Variants in PPCS observed in about 807,000 individuals in gnomAD.
PPCS encodes the protein phosphopantothenate--cysteine ligase.
Under a neutral mutation model 24.6 loss-of-function variants are expected in PPCS, and 17 were observed. The ratio of observed to expected loss-of-function variants is 0.69; its 90% CI spans 0.47 to 1.04. The LOEUF is 1.04. PPCS is among the 50% of genes least tolerant of loss of function. The probability of loss-of-function intolerance (pLI) is 0.00; values close to 1 mark genes in which losing one functional copy is unlikely to be tolerated. For missense variants in PPCS, 360 were observed against 402.8 expected (o/e 0.89, Z 0.91); for synonymous variants, 190 against 168.3 (o/e 1.13, Z -1.00).
chr1:42,456,360 G>A (rs1569589788), upstream of PPCS: 2 of 643,222 alleles, frequency 3.1e-6, no homozygotes, highest in East Asian at 5.7e-5. Context: ...CCCAGCCGGG[G>A]ATCCCCCTCG....
intron 2 of PPCS, chr1:42,468,761 T>C (rs1396167207): frequency 2.6e-5 from 4 of 152,084 alleles, no homozygotes; most frequent in Non-Finnish European, 5.9e-5. Context: ...AGAATAAAAA[T>C]TTAAAGAAGT....
Position 42,459,762 on chromosome 1 carries a change from A to C in PPCS, c.772A>C (p.Asn258His), listed in dbSNP as rs1216252018. The C allele has an allele frequency of 6.2e-7, 1 of 1,614,084 alleles. No individual in the cohort carries two copies. The highest frequency in any genetic ancestry group is 8.5e-7 in the Non-Finnish European group (1 of 1,180,042). Residue 258 changes from asparagine (N) to histidine (H), a missense_variant, in exon 3 of 3, where the codon AAT (asparagine) becomes CAT (histidine). By Grantham distance (68) the Asn-to-His change is moderately conservative (BLOSUM62 1). Around this residue, in one of 2 missense-constraint regions of PPCS, gnomAD observed 116 missense variants for 168.1 expected, o/e 0.69. Transcript: ENST00000372561. ...TTATCAGCATCAAGTGGTGGTGGCT[A>C]ATATCCTTGAGTCACGACAGTCCTT... ...EIYQHQVVVA[N>H]ILESRQSFVF...
At position 42,456,753 on chromosome 1, in the gene PPCS, G is replaced by A; in HGVS notation, c.188G>A (p.Gly63Glu). ...CGCTTCCTGGACAACTTCAGCAGCGGGCGGCGCGGTGCAACCTCGGCCGAG... is the reference window on the plus strand; with the variant it reads ...CGCTTCCTGGACAACTTCAGCAGCGAGCGGCGCGGTGCAACCTCGGCCGAG... The part of the protein sequence containing the change: ...PVRFLDNFSS[G>E]RRGATSAEAF... Residue 63 changes from glycine to glutamate, a missense_variant, in exon 1 of 3, where the codon GGG (glycine) becomes GAG (glutamate). Physicochemically the swap from Gly to Glu is moderately conservative, Grantham distance 98. This residue lies in a region of PPCS where 244 missense variants were observed against 234.7 expected (regional missense o/e 1.04). Coordinates refer to ENST00000372561, the MANE Select transcript of PPCS (RefSeq NM_024664.4). 6.2e-7 allele frequency: 1 copy of A among 1,611,744 alleles called. No homozygotes were observed. The highest frequency in any genetic ancestry group is 8.5e-7 in the Non-Finnish European group (1 of 1,179,676).
In PPCS at chr1:42,456,751, C is replaced by T. The variant is rs1421947045; in HGVS notation, c.186C>T (p.Ser62=). The T allele has an allele frequency of 3.7e-6, 6 of 1,611,368 alleles. No individual in the cohort carries two copies. Among genetic ancestry groups the T allele is most frequent in the Non-Finnish European group, 5.1e-6 (6 of 1,179,568 alleles). ...TGCGCTTCCTGGACAACTTCAGCAGCGGGCGGCGCGGTGCAACCTCGGCCG... is the reference window on the plus strand; with the variant it reads ...TGCGCTTCCTGGACAACTTCAGCAGTGGGCGGCGCGGTGCAACCTCGGCCG... ...RPVRFLDNFS[S]GRRGATSAEA... The change falls in exon 1 of 3, where the codon AGC becomes AGT. Residue 62 remains serine, a synonymous_variant. Coordinates refer to ENST00000372561, the MANE Select transcript of PPCS (RefSeq NM_024664.4).
At chr1:42,473,267 A>G in exon 3 of PPCS, 22 of 1,231,612 alleles carry the variant, frequency 1.8e-5, no homozygotes, top group Non-Finnish European at 2.2e-5. Flanking sequence ...CAGATGTAGA[A>G]GAGCTTATAG....
chr1:42,457,054 C>T lies in PPCS; in HGVS notation c.489C>T (p.Ala163=), dbSNP rs1410094288. 3.8e-6 allele frequency: 6 copies of T among 1,598,244 alleles called. No individual in the cohort carries two copies. Among genetic ancestry groups the T allele is most frequent in the Non-Finnish European group, 5.1e-6 (6 of 1,177,202 alleles). The stretch of plus-strand genomic sequence containing the variant: ...ATTTGCATCTGTTGCAGGCTGCGGC[C>T]CAGGCACTCAATCCGCTAGGTGCGT... ...ADYLHLLQAA[A]QALNPLGPSA... Residue 163 remains alanine (A), a synonymous_variant, in exon 1 of 3, where the codon GCC becomes GCT. Transcript: ENST00000372561.
intron 2 of PPCS, among the ~76,000 whole-genome samples, chr1:42,466,685 G>A (rs1321120400): frequency 6.6e-6 from 1 of 151,788 alleles, no homozygotes; most frequent in East Asian, 1.9e-4. Flanking sequence ...CTGGGTAGCT[G>A]GGATTACAGG....
chr1:42,463,984 A>T (rs1643487710), downstream of PPCS: 1 of 152,094 alleles, frequency 6.6e-6, no homozygotes, highest in Admixed American at 6.6e-5. Context: ...TGCTTATTTC[A>T]CAGCCATTTT....
chr1:42,462,503 G>A (rs922790191), downstream of PPCS, among the ~76,000 whole-genome samples: 3 of 152,178 alleles, frequency 2.0e-5, no homozygotes, highest in South Asian at 4.1e-4. Context: ...GATAATGCAT[G>A]TAGAACCAGC....
At chr1:42,473,354 G>A (rs896451702) in exon 3 of PPCS, 1 of 1,020,084 alleles carries the variant, frequency 9.8e-7, no homozygotes, top group African/African-American at 1.7e-5. Context: ...TTTGTTCATT[G>A]CCCTTCATTA....
intron 2 of PPCS, 24 bp downstream of exon 2, chr1:42,457,374 GATCTAATCCCATATA>G (rs1281713671): frequency 1.3e-6 from 2 of 1,590,706 alleles, no homozygotes; most frequent in African/African-American, 2.7e-5. Context: ...CTCTTCCAGA[GATCTAATCCCATATA>G]ACCAATCTTG....
At chr1:42,459,572 T>C (rs770561397) in intron 2 of PPCS, 31 bp from the exon 3 acceptor site, 39 of 1,579,956 alleles carry the variant, frequency 2.5e-5, no homozygotes, top group Non-Finnish European at 3.2e-5. Flanking sequence ...GACCATTGTT[T>C]GCTTATTAAG....
chr1:42,456,442 T>C (rs1643182720), upstream of PPCS: 3 of 1,025,664 alleles, frequency 2.9e-6, no homozygotes, highest in Middle Eastern at 3.1e-4. Context: ...GATCGGGACC[T>C]AGTGTCAAAA....
At chr1:42,471,660 T>A (rs896058574) in intron 2 of PPCS, among the ~76,000 whole-genome samples, 5 of 152,080 alleles carry the variant, frequency 3.3e-5, no homozygotes, top group African/African-American at 1.2e-4. Flanking sequence ...GGGGAAGATA[T>A]GAGTGGGGAC....
chr1:42,457,371 A>G (rs769412932), intron 2 of PPCS, 21 bp downstream of exon 2: 5 of 1,594,860 alleles, frequency 3.1e-6, no homozygotes, highest in Admixed American at 3.3e-5. Flanking sequence ...CTTCTCTTCC[A>G]GAGATCTAAT....
At chr1:42,461,932 G>A (rs1157118170), downstream of PPCS, among the ~76,000 whole-genome samples, 1 of 152,214 alleles carries the variant, frequency 6.6e-6, no homozygotes, top group Non-Finnish European at 1.5e-5. Flanking sequence ...AGTGGCTGCA[G>A]TACTGAAGGG....
rs766143000 is a variant in PPCS, at chr1:42,456,792, C to T, written c.227C>T (p.Ala76Val). The T allele has an allele frequency of 6.2e-7, 1 of 1,613,090 alleles. No homozygotes were observed. The highest frequency in any genetic ancestry group is 1.3e-5 in the African/African-American group (1 of 74,958). ...GATSAEAFLA[A>V]GYGVLFLYRA... ...ACCTCGGCCGAGGCCTTCCTAGCCG[C>T]CGGCTACGGGGTCCTGTTCTTGTAT... Residue 76 changes from alanine to valine, a missense_variant, in exon 1 of 3, where the codon GCC (alanine) becomes GTC (valine). This residue lies in a region of PPCS where 244 missense variants were observed against 234.7 expected (regional missense o/e 1.04). Coordinates refer to ENST00000372561, the MANE Select transcript of PPCS (RefSeq NM_024664.4).
At chr1:42,473,391 G>A, downstream of PPCS, 1 of 746,280 alleles carries the variant, frequency 1.3e-6, no homozygotes, top group East Asian at 3.4e-5. Context: ...ACTAATGTTT[G>A]GCTATCACTG....
chr1:42,472,828 A>G (rs1334470604), intron 2 of PPCS, among the ~76,000 whole-genome samples: 3 of 152,200 alleles, frequency 2.0e-5, no homozygotes, highest in Non-Finnish European at 4.4e-5. Flanking sequence ...GACTCTAGTC[A>G]TATATACATA....
Sources: allele counts gnomAD v4.1 joint callset (sites outside exome capture counted in the v4.1 genomes callset), GRCh38; gene constraint gnomAD v4.1.1; regional missense constraint gnomAD v4.1.1; transcripts MANE v1.5; gene names NCBI Gene and HGNC (gene_info 2026-07-23, HGNC 2026-07-21).